Variants in MAN2A1 observed in about 807,000 individuals in gnomAD.
The protein encoded by MAN2A1 is alpha-mannosidase 2.
Under a neutral mutation model 142.6 loss-of-function variants are expected in MAN2A1, and 76 were observed. The ratio of observed to expected loss-of-function variants is 0.53; its 90% confidence interval spans 0.44 to 0.65. The LOEUF is 0.65. Among genes scored for constraint, MAN2A1 ranks in the 30% least tolerant of loss-of-function variants. MAN2A1 has a pLI of 0.00. For missense variants in MAN2A1, 1,311 were observed against 1,365.1 expected, an observed-to-expected ratio of 0.96 and a Z score of 0.62; for synonymous variants, 559 against 473.2, an observed-to-expected ratio of 1.18 and a Z score of -2.35.
At chr5:109,823,347 G>A (rs905225703) in intron 15 of MAN2A1, among the ~76,000 whole-genome samples, 1 of 152,090 alleles carries the variant, frequency 6.6e-6, no homozygotes, top group Non-Finnish European at 1.5e-5. Context: ...CTGAACATTA[G>A]GGGGCTGGGA....
chr5:109,759,355 T>G (rs1007890056), intron 5 of MAN2A1, among the ~76,000 whole-genome samples: 1 of 152,190 alleles, frequency 6.6e-6, no homozygotes. Flanking sequence ...TAATTTCATT[T>G]TAGGATTATT....
chr5:109,732,899 G>GA (rs1159062963), intron 4 of MAN2A1, among the ~76,000 whole-genome samples: 4 of 151,726 alleles, frequency 2.6e-5, no homozygotes, highest in African/African-American at 9.7e-5. Context: ...ATTCTGTGAA[G>GA]AAAATCATTG....
intron 5 of MAN2A1, among the ~76,000 whole-genome samples, chr5:109,765,051 A>G (rs1383721086): frequency 6.6e-6 from 1 of 152,160 alleles, no homozygotes. Flanking sequence ...CGTAAATATA[A>G]TAAAGTTATC....
chr5:109,708,521 C>CACAA (rs1751205467), intron 1 of MAN2A1, among the ~76,000 whole-genome samples: 1 of 150,524 alleles, frequency 6.6e-6, no homozygotes, highest in Non-Finnish European at 1.5e-5. Flanking sequence ...CACACACACA[C>CACAA]ACACACACAC....
At chr5:109,813,416 T>C (rs1279578327) in intron 12 of MAN2A1, among the ~76,000 whole-genome samples, 5 of 152,254 alleles carry the variant, frequency 3.3e-5, no homozygotes, top group Non-Finnish European at 5.9e-5. Context: ...AATTGCATTA[T>C]AAGCCCTATT....
At position 109,867,686 on chromosome 5, in the gene MAN2A1, TA is replaced by T. The variant is rs1402725466; in HGVS notation, c.*689del. ...TTGACAATGTGGGATGGGTGCAATT[TA>T]TTCCATCTTCACTAAAATAGAAGCA... is the stretch of plus-strand genomic sequence containing the variant. On this transcript the variant is annotated 3_prime_UTR_variant, in exon 22 of 22. Coordinates refer to ENST00000261483, the MANE Select transcript of MAN2A1 (RefSeq NM_002372.4). 7.2e-5 allele frequency: 11 copies of T among 152,718 alleles called. 1 individual carries two copies. Among genetic ancestry groups the T allele is most frequent in the African/African-American group, 2.6e-4 (11 of 41,562 alleles). The allele number at this position is 152,718 out of a possible 1,614,324, so 9.5% of individuals were successfully genotyped here.
At chr5:109,805,636 A>G (rs1448661469) in intron 12 of MAN2A1, among the ~76,000 whole-genome samples, 2 of 152,270 alleles carry the variant, frequency 1.3e-5, no homozygotes, top group South Asian at 2.1e-4. Context: ...TTCTAGCCCC[A>G]TCTCTGTCAC....
intron 19 of MAN2A1, among the ~76,000 whole-genome samples, chr5:109,852,480 G>A (rs969920384): frequency 5.9e-5 from 9 of 152,150 alleles, no homozygotes; most frequent in Non-Finnish European, 8.8e-5. Flanking sequence ...TAACAGGATC[G>A]TTTAACTCAA....
intron 4 of MAN2A1, among the ~76,000 whole-genome samples, chr5:109,752,891 A>G (rs1156322973): frequency 6.6e-6 from 1 of 152,160 alleles, no homozygotes. Context: ...AAAATTAGTT[A>G]CTGTATATAC....
At chr5:109,822,716 C>G (rs947124251) in intron 15 of MAN2A1, among the ~76,000 whole-genome samples, 3 of 151,806 alleles carry the variant, frequency 2.0e-5, no homozygotes, top group African/African-American at 7.3e-5. Flanking sequence ...CTTGCACTTT[C>G]ACCCAGGCTG....
At chr5:109,811,840 A>G (rs1754328121) in intron 12 of MAN2A1, among the ~76,000 whole-genome samples, 1 of 152,198 alleles carries the variant, frequency 6.6e-6, no homozygotes, top group Non-Finnish European at 1.5e-5. Context: ...TAACTTAGCC[A>G]TAAGCCATGT....
chr5:109,730,730 A>G (rs1448572210), intron 4 of MAN2A1, among the ~76,000 whole-genome samples: 1 of 152,152 alleles, frequency 6.6e-6, no homozygotes, highest in African/African-American at 2.4e-5. Context: ...ATAATCTTCT[A>G]AACAATTCTG....
At chr5:109,832,275 A>G (rs1430578866) in intron 16 of MAN2A1, among the ~76,000 whole-genome samples, 1 of 150,294 alleles carries the variant, frequency 6.7e-6, no homozygotes, top group Non-Finnish European at 1.5e-5. Flanking sequence ...CAGCAGATAA[A>G]CATGTGAACA....
intron 15 of MAN2A1, 115 bp downstream of exon 15, chr5:109,820,457 A>G: frequency 9.4e-7 from 1 of 1,068,974 alleles, no homozygotes; most frequent in Non-Finnish European, 1.3e-6. Flanking sequence ...GGGATAGATG[A>G]ACTTTTGGTT....
intron 2 of MAN2A1, 41 bp downstream of exon 2, chr5:109,713,815 T>C: frequency 1.3e-6 from 2 of 1,559,958 alleles, no homozygotes; most frequent in Non-Finnish European, 1.7e-6. Context: ...CCTTTTTTTT[T>C]TTTTGTTCTT....
intron 4 of MAN2A1, among the ~76,000 whole-genome samples, chr5:109,736,131 T>C (rs1266772698): frequency 6.6e-6 from 1 of 152,086 alleles, no homozygotes; most frequent in Non-Finnish European, 1.5e-5. Flanking sequence ...CACTGAAATG[T>C]TAGCTATTAA....
chr5:109,742,160 G>C (rs1328778163), intron 4 of MAN2A1, among the ~76,000 whole-genome samples: 1 of 152,172 alleles, frequency 6.6e-6, no homozygotes. Context: ...TCTGGGCTCT[G>C]AGATATTGGA....
intron 4 of MAN2A1, among the ~76,000 whole-genome samples, chr5:109,736,051 A>C (rs954730525): frequency 6.6e-6 from 1 of 152,110 alleles, no homozygotes; most frequent in South Asian, 2.1e-4. Flanking sequence ...CAGAGTTGTC[A>C]GGATATCCCT....
intron 3 of MAN2A1, among the ~76,000 whole-genome samples, chr5:109,718,780 TTGTTTTATTCACTGC>T (rs1751524409): frequency 6.6e-6 from 1 of 152,204 alleles, no homozygotes; most frequent in African/African-American, 2.4e-5. Context: ...GGCTGGAACT[TTGTTTTATTCACTGC>T]TGTGTTGGGA....
Sources: gnomAD v4.1 joint callset for allele counts (sites outside exome capture counted in the v4.1 genomes callset) on GRCh38, gnomAD v4.1.1 for gene constraint, MANE v1.5 for transcripts, NCBI Gene and HGNC (gene_info 2026-07-23, HGNC 2026-07-21) for gene names.